RBPJ: variants seen among roughly 807,000 people sequenced by gnomAD.
RBPJ encodes recombining binding protein suppressor of hairless.
In RBPJ, 9 loss-of-function variants were observed where a neutral mutation model predicts 67.8. The ratio of observed to expected loss-of-function variants is 0.13; its 90% CI spans 0.08 to 0.23. The LOEUF (loss-of-function observed/expected upper bound fraction) is 0.23. Among genes scored for constraint, RBPJ ranks in the 10% least tolerant of loss-of-function variants. RBPJ has a pLI of 1.00. For missense variants in RBPJ, 305 were observed against 595.6 expected (o/e 0.51, Z 5.08); for synonymous variants, 198 against 203.3 (o/e 0.97, Z 0.22).
Position 26,433,202 on chromosome 4 carries a change from ATCTT to A in RBPJ, c.*2201_*2204del, listed in dbSNP as rs1444034526. On this transcript the variant is annotated 3_prime_UTR_variant, in exon 11 of 11. Transcript: ENST00000355476. The stretch of plus-strand genomic sequence containing the variant: ...CAAGGGCAGAACTCATTGTGGCCTT[ATCTT>A]TCTTTGTTGTAATTGTTCACTGTCT... 6.6e-6 allele frequency: 1 copy of A among 152,164 alleles called. No homozygotes were observed. Among genetic ancestry groups the A allele is most frequent in the East Asian group, 1.9e-4 (1 of 5,198 alleles). 9.4% of individuals were successfully genotyped at this position (152,164 alleles called of 1,614,324 possible). A position where few individuals can be genotyped will look rare whatever the true frequency, so the allele number is the denominator to read the frequency against.
At chr4:26,344,033 G>A (rs1427525399) in intron 1 of RBPJ, among the ~76,000 whole-genome samples, 1 of 151,884 alleles carries the variant, frequency 6.6e-6, no homozygotes, top group East Asian at 1.9e-4. Flanking sequence ...TTACAGGCCT[G>A]AGCCACTGCC....
chr4:26,390,687 A>G (rs960368063), intron 2 of RBPJ, among the ~76,000 whole-genome samples: 26 of 152,336 alleles, frequency 1.7e-4, no homozygotes, highest in African/African-American at 6.3e-4. Flanking sequence ...CAAAAACTCT[A>G]CACTGAAGAC....
chr4:26,173,199 G>A (rs1044930561), intron 1 of RBPJ, among the ~76,000 whole-genome samples: 3 of 151,746 alleles, frequency 2.0e-5, no homozygotes, highest in Admixed American at 6.6e-5. Flanking sequence ...GCAGTGGTAC[G>A]ATCTCGGCTC....
chr4:26,353,410 C>T (rs1033093433), intron 1 of RBPJ, among the ~76,000 whole-genome samples: 2 of 152,152 alleles, frequency 1.3e-5, no homozygotes, highest in African/African-American at 4.8e-5. Context: ...CTGGTTCTGC[C>T]ACTTAAATGT....
At position 26,231,858 on chromosome 4, in the gene RBPJ, A is replaced by T. The variant is rs201776517; in HGVS notation, c.-167+68244A>T. 1.8e-4 allele frequency among the ~76,000 whole-genome samples: 27 copies of T among 149,600 alleles called. No homozygotes were observed. In the East Asian group the frequency reaches 4.0e-3, roughly 22 times the overall value. The stretch of plus-strand genomic sequence containing the variant: ...GCCACTGCGCCTGACCTTATGCTTT[A>T]TTTTTTTTTAATTTTAATTTTTATT... On this transcript the variant is annotated intron_variant, in intron 1 of 4. Transcript: ENST00000512351.
intron 1 of RBPJ, among the ~76,000 whole-genome samples, chr4:26,299,819 C>T (rs529629184): frequency 1.3e-5 from 2 of 151,716 alleles, no homozygotes; most frequent in African/African-American, 2.4e-5. Context: ...GCTGGGATTA[C>T]AGATGCCTGC....
chr4:26,165,295 A>G (rs189699129), intron 1 of RBPJ, among the ~76,000 whole-genome samples: 21 of 152,334 alleles, frequency 1.4e-4, no homozygotes, highest in Admixed American at 1.2e-3. Flanking sequence ...AAAATATGCT[A>G]TAATTATCTA....
At chr4:26,392,095 G>A (rs1362456258) in intron 2 of RBPJ, among the ~76,000 whole-genome samples, 3 of 152,150 alleles carry the variant, frequency 2.0e-5, no homozygotes, top group Non-Finnish European at 2.9e-5. Flanking sequence ...TTCAACATAG[G>A]AATTTTGGGG....
intron 1 of RBPJ, among the ~76,000 whole-genome samples, chr4:26,203,948 A>C (rs1718076308): frequency 6.6e-6 from 1 of 152,114 alleles, no homozygotes; most frequent in Non-Finnish European, 1.5e-5. Context: ...CCTTAAAATG[A>C]AGCCAGATGA....
intron 1 of RBPJ, among the ~76,000 whole-genome samples, chr4:26,255,528 C>T (rs567297736): frequency 2.9e-4 from 44 of 150,542 alleles, no homozygotes; most frequent in African/African-American, 9.3e-4. Flanking sequence ...TTCGGCCGGG[C>T]GTGGTGGCTC....
chr4:26,235,654 A>T lies in RBPJ; in HGVS notation c.-167+72040A>T, dbSNP rs561015687. ...CCATTTCTGCCTTCTCCAGGCTCTCATGATGCCCTCTAGCTGTTCCAGAGC... is the reference window on the plus strand; with the variant it reads ...CCATTTCTGCCTTCTCCAGGCTCTCTTGATGCCCTCTAGCTGTTCCAGAGC... On this transcript the variant is annotated intron_variant, in intron 1 of 4. Coordinates refer to the RBPJ transcript ENST00000512351. Among the ~76,000 whole-genome samples, 22 of 152,322 alleles carry T rather than the reference A, an allele frequency of 1.4e-4. No homozygotes were observed. The South Asian group carries it at 4.1e-3, about 29-fold the overall frequency.
At chr4:26,260,179 C>T (rs929251428) in intron 1 of RBPJ, among the ~76,000 whole-genome samples, 2 of 152,120 alleles carry the variant, frequency 1.3e-5, no homozygotes, top group Non-Finnish European at 2.9e-5. Flanking sequence ...TCTTGTGGAA[C>T]AAAGCATGGA....
intron 1 of RBPJ, among the ~76,000 whole-genome samples, chr4:26,312,817 C>A (rs937373587): frequency 2.0e-5 from 3 of 152,190 alleles, no homozygotes; most frequent in African/African-American, 4.8e-5. Context: ...AAGATGATGC[C>A]TGACCTGCAG....
At chr4:26,211,964 C>T (rs556371070) in intron 1 of RBPJ, among the ~76,000 whole-genome samples, 9 of 152,100 alleles carry the variant, frequency 5.9e-5, no homozygotes, top group Non-Finnish European at 7.4e-5. Context: ...GGGGGTGATG[C>T]GCCAGATGCC....
chr4:26,394,714 G>C (rs960019489), intron 2 of RBPJ, among the ~76,000 whole-genome samples: 1 of 151,968 alleles, frequency 6.6e-6, no homozygotes, highest in African/African-American at 2.4e-5. Flanking sequence ...GATATTATTC[G>C]ACTTAATACT....
chr4:26,315,167 A>AAAAAAAATAT (rs1325689348), upstream of RBPJ, among the ~76,000 whole-genome samples: 25 of 74,736 alleles, frequency 3.3e-4, no homozygotes, highest in African/African-American at 6.1e-4. Context: ...AAAAAAAAAA[A>AAAAAAAATAT]ATATATATAT....
chr4:26,290,317 TAAAAAAA>T (rs35451160), intron 1 of RBPJ, among the ~76,000 whole-genome samples: 5 of 109,366 alleles, frequency 4.6e-5, no homozygotes, highest in African/African-American at 1.5e-4. Flanking sequence ...AGACCCTGTC[TAAAAAAA>T]AAAAAAAAAA....
At chr4:26,279,255 C>T (rs187106438) in intron 1 of RBPJ, among the ~76,000 whole-genome samples, 120 of 152,160 alleles carry the variant, frequency 7.9e-4, no homozygotes, top group African/African-American at 2.8e-3. Flanking sequence ...TAGAAAAGGG[C>T]AAGTTTTGCT....
intron 1 of RBPJ, among the ~76,000 whole-genome samples, chr4:26,369,357 T>C (rs1458525200): frequency 6.6e-6 from 1 of 152,228 alleles, no homozygotes; most frequent in Non-Finnish European, 1.5e-5. Flanking sequence ...AATATTGCGC[T>C]TACAAGATTT....
Sources: allele counts gnomAD v4.1 joint callset (sites outside exome capture counted in the v4.1 genomes callset), GRCh38; gene constraint gnomAD v4.1.1; transcripts MANE v1.5; gene names NCBI Gene and HGNC (gene_info 2026-07-23, HGNC 2026-07-21).